Variants in UNC13B observed in about 807,000 individuals in gnomAD.
The protein encoded by UNC13B is unc-13 homolog B.
In UNC13B, 144 loss-of-function variants were observed where a neutral mutation model predicts 211.0. The ratio of observed to expected loss-of-function variants is 0.68; its 90% CI spans 0.60 to 0.78. The LOEUF (loss-of-function observed/expected upper bound fraction) is 0.78. UNC13B is among the 30% of genes least tolerant of loss of function. The pLI, the probability that UNC13B is intolerant of heterozygous loss-of-function variation, is 0.00. For missense variants in UNC13B, 1,777 were observed against 2,002.0 expected (o/e 0.89, Z 2.14); for synonymous variants, 709 against 725.8 (o/e 0.98, Z 0.37).
At chr9:35,277,350 G>A (rs555012780) in intron 7 of UNC13B, among the ~76,000 whole-genome samples, 12 of 152,172 alleles carry the variant, frequency 7.9e-5, no homozygotes, top group Non-Finnish European at 1.6e-4. Context: ...ATATTCAGGC[G>A]ATTGAGACAT....
At position 35,384,320 on chromosome 9, in the gene UNC13B, TGAAGAC is replaced by T; in HGVS notation, c.10875+7_10875+12del. On this transcript the variant is annotated splice_region_variant and intron_variant, in intron 22 of 39. Transcript: ENST00000635942. ...TCGACCTCTCTACATACAGGGTGAG[TGAAGAC>T]ACGGCTGTGGGCAGGATAATAGATA... 3 of 1,613,336 alleles carry T rather than the reference TGAAGAC, an allele frequency of 1.9e-6. No homozygotes were observed. The highest frequency in any genetic ancestry group is 2.5e-6 in the Non-Finnish European group (3 of 1,179,662).
chr9:35,235,174 C>T (rs1419884207), intron 3 of UNC13B, among the ~76,000 whole-genome samples: 1 of 152,148 alleles, frequency 6.6e-6, no homozygotes, highest in East Asian at 1.9e-4. Flanking sequence ...TAGTGCTTAT[C>T]TGGCTCTTTA....
chr9:35,327,264 T>A lies in UNC13B; in HGVS notation c.9414+13275T>A, dbSNP rs117489575. Among the ~76,000 whole-genome samples the A allele has an allele frequency of 4.1e-3, 624 of 152,284 alleles. 7 individuals are homozygous for A. The highest frequency in any genetic ancestry group is 0.038 in the East Asian group (199 of 5,186). On this transcript the variant is annotated intron_variant, in intron 11 of 39. Coordinates refer to ENST00000635942, the MANE Select transcript of UNC13B (RefSeq NM_001371189.2). ...TATGTATATATAAAAGGGACTTTATTAAGGAGAATTGGCTTACATGATTAC... is the reference window on the plus strand; with the variant it reads ...TATGTATATATAAAAGGGACTTTATAAAGGAGAATTGGCTTACATGATTAC...
At chr9:35,224,813 A>G (rs760226481) in intron 1 of UNC13B, among the ~76,000 whole-genome samples, 2 of 152,224 alleles carry the variant, frequency 1.3e-5, no homozygotes, top group Non-Finnish European at 2.9e-5. Flanking sequence ...CAAGTAATAT[A>G]TCAAAAAGAT....
At chr9:35,368,291 T>A (rs1833903242) in intron 12 of UNC13B, among the ~76,000 whole-genome samples, 1 of 152,186 alleles carries the variant, frequency 6.6e-6, no homozygotes, top group African/African-American at 2.4e-5. Context: ...CTCCCACTTA[T>A]AAGAGAGAAC....
At chr9:35,376,728 G>A (rs1262294742) in intron 15 of UNC13B, among the ~76,000 whole-genome samples, 2 of 152,206 alleles carry the variant, frequency 1.3e-5, no homozygotes, top group Non-Finnish European at 2.9e-5. Flanking sequence ...AAATAGAAAT[G>A]TCAAATGAAT....
At chr9:35,315,848 A>G (rs1830424731) in intron 11 of UNC13B, among the ~76,000 whole-genome samples, 2 of 152,190 alleles carry the variant, frequency 1.3e-5, no homozygotes, top group Non-Finnish European at 2.9e-5. Context: ...GTTTGGGTCC[A>G]TTCAGTGTTT....
intron 1 of UNC13B, among the ~76,000 whole-genome samples, chr9:35,178,131 A>G (rs777271152): frequency 7.9e-5 from 12 of 152,206 alleles, no homozygotes; most frequent in Non-Finnish European, 1.8e-4. Flanking sequence ...ACATATACTC[A>G]GCATCATCAT....
chr9:35,381,620 G>C lies in UNC13B; in HGVS notation c.10556G>C (p.Gly3519Ala), dbSNP rs367600670. ...GGAGTCCGCATCCCTGAAGCTCGAG[G>C]AGACGATGCCTGGAAGGTGTACTTT... The part of the protein sequence containing the change: ...SGGVRIPEAR[G>A]DDAWKVYFDE... The change falls in exon 20 of 40, where the codon GGA becomes GCA. Residue 3519 changes from glycine (G) to alanine (A), a missense_variant. Gly to Ala is a moderately conservative substitution (Grantham distance 60). Coordinates refer to ENST00000635942, the MANE Select transcript of UNC13B (RefSeq NM_001371189.2). The C allele has an allele frequency of 2.5e-6, 4 of 1,614,106 alleles. No individual in the cohort carries two copies. In the African/African-American group the frequency reaches 5.3e-5, roughly 22 times the overall value.
chr9:35,389,801 CT>C, intron 24 of UNC13B, 44 bp from the exon 25 acceptor site: 1 of 1,607,912 alleles, frequency 6.2e-7, no homozygotes, highest in Non-Finnish European at 8.5e-7. Flanking sequence ...CTACATTCTA[CT>C]CTGACTCTTT....
At chr9:35,195,887 C>T (rs909554248) in intron 1 of UNC13B, among the ~76,000 whole-genome samples, 9 of 152,130 alleles carry the variant, frequency 5.9e-5, no homozygotes, top group African/African-American at 1.7e-4. Context: ...AGAGATGTCA[C>T]GGTCCATCTT....
intron 5 of UNC13B, among the ~76,000 whole-genome samples, chr9:35,238,218 G>A (rs1222129268): frequency 6.6e-6 from 1 of 152,158 alleles, no homozygotes; most frequent in Non-Finnish European, 1.5e-5. Flanking sequence ...AATTTAAAAT[G>A]TAAATTAAAT....
At chr9:35,329,621 G>A (rs1831253746) in intron 11 of UNC13B, among the ~76,000 whole-genome samples, 1 of 151,770 alleles carries the variant, frequency 6.6e-6, no homozygotes. Flanking sequence ...CCTAGTAGCT[G>A]GGACCACAGG....
Position 35,264,033 on chromosome 9 carries a change from T to C in UNC13B, c.526+4983T>C, listed in dbSNP as rs375667172. On this transcript the variant is annotated intron_variant, in intron 7 of 39. Transcript: ENST00000635942. ...GATTTTGGTACTAAGAGGTGGATTG[T>C]TGCTGAAACAAATACCAAAAAATTT... Among the ~76,000 whole-genome samples the C allele has an allele frequency of 6.0e-4, 92 of 152,316 alleles. 1 individual carries two copies. In the South Asian group the frequency reaches 0.018, roughly 31 times the overall value.
At chr9:35,241,314 C>T in intron 5 of UNC13B, among the ~76,000 whole-genome samples, 1 of 152,094 alleles carries the variant, frequency 6.6e-6, no homozygotes, top group East Asian at 1.9e-4. Flanking sequence ...TAACCACTTC[C>T]TGTTGGGTAT....
chr9:35,319,228 C>G (rs1271014765), intron 11 of UNC13B, among the ~76,000 whole-genome samples: 1 of 151,528 alleles, frequency 6.6e-6, no homozygotes, highest in Non-Finnish European at 1.5e-5. Context: ...ATGGTGAAAC[C>G]CTCATCCTTA....
chr9:35,260,097 A>G (rs1164710364), intron 7 of UNC13B, among the ~76,000 whole-genome samples: 2 of 143,914 alleles, frequency 1.4e-5, no homozygotes, highest in African/African-American at 5.1e-5. Flanking sequence ...GTAGTCCCAG[A>G]TACTTGGGAG....
intron 12 of UNC13B, among the ~76,000 whole-genome samples, chr9:35,367,701 A>T (rs757227759): frequency 6.6e-6 from 1 of 152,052 alleles, no homozygotes; most frequent in Non-Finnish European, 1.5e-5. Context: ...ATTCCACTGT[A>T]GTCAGGATAT....
At chr9:35,181,953 C>T (rs1821962432) in intron 1 of UNC13B, among the ~76,000 whole-genome samples, 1 of 152,218 alleles carries the variant, frequency 6.6e-6, no homozygotes, top group Non-Finnish European at 1.5e-5. Context: ...ATAACTCCAT[C>T]TCCTGTGTGG....
Sources: allele counts gnomAD v4.1 joint callset (sites outside exome capture counted in the v4.1 genomes callset), GRCh38; gene constraint gnomAD v4.1.1; transcripts MANE v1.5; gene names NCBI Gene and HGNC (gene_info 2026-07-23, HGNC 2026-07-21).